ZNF711: variants seen among roughly 807,000 people sequenced by gnomAD.
ZNF711 encodes zinc finger protein 711.
Under a neutral mutation model 43.5 loss-of-function variants are expected in ZNF711, and 3 were observed. That is an observed-to-expected ratio of 0.07 (90% CI 0.03 to 0.18). The LOEUF is 0.18. ZNF711 is among the 10% of genes least tolerant of loss of function. The pLI is 1.00. For missense variants in ZNF711, 412 were observed against 604.0 expected (o/e 0.68, Z 3.33); for synonymous variants, 209 against 207.7 (o/e 1.01, Z -0.06).
rs752414664 is a variant in ZNF711, at chrX:85,268,328, T to C, written c.1089T>C (p.Asp363=). 43 of 1,192,302 alleles carry C rather than the reference T, an allele frequency of 3.6e-5. No homozygotes were observed. The highest frequency in any genetic ancestry group is 2.3e-4 in the Middle Eastern group (1 of 4,312). Reference sequence around the variant, plus strand: ...GAAGAGTTTCCCGAAGGTATGAAGATTGTCAAGCATCAGGTAAGAGAGCAT... The same window carrying C: ...GAAGAGTTTCCCGAAGGTATGAAGACTGTCAAGCATCAGGTAAGAGAGCAT... The part of the protein sequence containing the change: ...DERRVSRRYE[D]CQASGNTLDS... Residue 363 remains aspartate, a synonymous_variant, in exon 9 of 11, where the codon GAT becomes GAC. Transcript: ENST00000674551.
intron 4 of ZNF711, 111 bp from the exon 5 acceptor site, chrX:85,255,148 G>A: frequency 1.3e-6 from 1 of 742,884 alleles, no homozygotes; most frequent in African/African-American, 2.1e-5. Flanking sequence ...GATTTATTTG[G>A]CCAAGATTAC....
chrX:85,255,136 A>G (rs1422959385), intron 4 of ZNF711, 123 bp from the exon 5 acceptor site: 3 of 696,493 alleles, frequency 4.3e-6, no homozygotes, highest in Non-Finnish European at 6.4e-6. Context: ...ATTTTAAAAA[A>G]TGATTTATTT....
chrX:85,265,858 T>C (rs1931048292), intron 7 of ZNF711, among the ~76,000 whole-genome samples: 1 of 111,169 alleles, frequency 9.0e-6, no homozygotes. Flanking sequence ...TATGTAAGTA[T>C]TCTTCCAAGC....
chrX:85,267,643 A>G (rs1931202316), intron 8 of ZNF711, among the ~76,000 whole-genome samples: 1 of 111,699 alleles, frequency 9.0e-6, no homozygotes, highest in Non-Finnish European at 1.9e-5. Context: ...AGTATGATCT[A>G]TTTTAAATCC....
chrX:85,263,318 T>A (rs1369972773), intron 5 of ZNF711, among the ~76,000 whole-genome samples: 1 of 110,911 alleles, frequency 9.0e-6, no homozygotes, highest in East Asian at 2.8e-4. Context: ...AAGCAATAGG[T>A]CCAAATACTG....
At chrX:85,256,168 T>C (rs1379923439) in intron 5 of ZNF711, among the ~76,000 whole-genome samples, 1 of 111,531 alleles carries the variant, frequency 9.0e-6, no homozygotes, top group African/African-American at 3.3e-5. Context: ...ACTGAAATTG[T>C]CAATTAAGTT....
At chrX:85,253,875 A>G (rs1929785358) in intron 4 of ZNF711, among the ~76,000 whole-genome samples, 2 of 111,420 alleles carry the variant, frequency 1.8e-5, no homozygotes. Flanking sequence ...AAATTACTCC[A>G]TTTATACATT....
In ZNF711 at chrX:85,270,011, T is replaced by C; in HGVS notation, c.1111T>C (p.Leu371=). The C allele has an allele frequency of 1.7e-6, 2 of 1,210,247 alleles. No homozygotes were observed. The highest frequency in any genetic ancestry group is 2.2e-6 in the Non-Finnish European group (2 of 894,589). ...TCAATTTTTTTTTCCAGGAAATACT[T>C]TGGACTCAGCATTAGAAAGCAGAAG... ...YEDCQASGNT[L]DSALESRSST... Residue 371 remains leucine, a synonymous_variant, in exon 10 of 11, where the codon TTG becomes CTG. Transcript: ENST00000674551.
At chrX:85,265,039 T>G in intron 6 of ZNF711, 79 bp from the exon 7 acceptor site, 1 of 882,486 alleles carries the variant, frequency 1.1e-6, no homozygotes, top group Non-Finnish European at 1.6e-6. Flanking sequence ...CTAAGAAATA[T>G]TTCTATATAT....
intron 5 of ZNF711, among the ~76,000 whole-genome samples, chrX:85,261,374 AT>A (rs1930631630): frequency 9.0e-6 from 1 of 111,148 alleles, no homozygotes. Context: ...GTGAGTGTAT[AT>A]TTTTAGTTTT....
intron 5 of ZNF711, among the ~76,000 whole-genome samples, chrX:85,258,642 G>T (rs1930384934): frequency 9.1e-6 from 1 of 110,348 alleles, no homozygotes; most frequent in African/African-American, 3.3e-5. Flanking sequence ...GTTTTGATTT[G>T]CATTTCTCTG....
intron 5 of ZNF711, among the ~76,000 whole-genome samples, chrX:85,261,074 T>C (rs1245790224): frequency 9.0e-6 from 1 of 111,322 alleles, no homozygotes; most frequent in South Asian, 3.8e-4. Flanking sequence ...CTCATCCTTA[T>C]TGTCCTCACA....
Position 85,272,678 on chromosome X carries a change from A to G in ZNF711, c.*850A>G, listed in dbSNP as rs904518707. 1.3e-4 allele frequency: 15 copies of G among 112,196 alleles called. No individual in the cohort carries two copies. The highest frequency in any genetic ancestry group is 4.5e-4 in the African/African-American group (14 of 30,881). 9.2% of individuals were successfully genotyped at this position (112,196 alleles called of 1,213,427 possible). Reference sequence around the variant, plus strand: ...AGTTTTCTTAAATATTATAATGTCTAGAGTTTTTTTAGGACAGTCTTAGCA... The same window carrying G: ...AGTTTTCTTAAATATTATAATGTCTGGAGTTTTTTTAGGACAGTCTTAGCA... On this transcript the variant is annotated 3_prime_UTR_variant, in exon 11 of 11. Coordinates refer to ENST00000674551, the MANE Select transcript of ZNF711 (RefSeq NM_001330574.2).
intron 4 of ZNF711, among the ~76,000 whole-genome samples, chrX:85,252,593 TCCTTGCTAAAAAACCA>T (rs1460957634): frequency 2.7e-5 from 3 of 112,256 alleles, no homozygotes; most frequent in Admixed American, 9.4e-5. Context: ...TTTAATTTTT[TCCTTGCTAAAAAACCA>T]CATTTCTAGT....
At chrX:85,261,346 T>G (rs188654123) in intron 5 of ZNF711, among the ~76,000 whole-genome samples, 2 of 111,668 alleles carry the variant, frequency 1.8e-5, no homozygotes, top group African/African-American at 6.5e-5. Context: ...CCATGAACAT[T>G]TATGTACAAG....
chrX:85,254,747 A>C (rs1929947041), intron 4 of ZNF711, among the ~76,000 whole-genome samples: 1 of 98,225 alleles, frequency 1.0e-5, no homozygotes, highest in African/African-American at 3.7e-5. Context: ...GTTTGCAGTG[A>C]GCCGAGATCG....
chrX:85,269,818 T>A (rs1313608320), intron 9 of ZNF711, among the ~76,000 whole-genome samples, 185 bp from the exon 10 acceptor site: 1 of 112,061 alleles, frequency 8.9e-6, no homozygotes, highest in Non-Finnish European at 1.9e-5. Flanking sequence ...CAAATACATG[T>A]CTTTACTTGT....
chrX:85,246,674 C>T (rs1302300184), intron 2 of ZNF711, among the ~76,000 whole-genome samples: 3 of 111,884 alleles, frequency 2.7e-5, no homozygotes, highest in Admixed American at 9.5e-5. Context: ...AGAAAATGCA[C>T]ATATATGTGT....
intron 7 of ZNF711, among the ~76,000 whole-genome samples, chrX:85,266,250 A>G (rs1176159916): frequency 9.0e-6 from 1 of 111,578 alleles, no homozygotes; most frequent in African/African-American, 3.3e-5. Flanking sequence ...CCACCCCCAA[A>G]CAGCTGAAAA....
Sources: gnomAD v4.1 joint callset for allele counts (sites outside exome capture counted in the v4.1 genomes callset) on GRCh38, gnomAD v4.1.1 for gene constraint, MANE v1.5 for transcripts, NCBI Gene and HGNC (gene_info 2026-07-23, HGNC 2026-07-21) for gene names.